The following ZNF71 variants were observed in gnomAD, a reference collection of about 807,000 sequenced individuals.
The protein encoded by ZNF71 is endothelial zinc finger protein induced by tumor necrosis factor alpha.
Under a neutral mutation model 6.7 loss-of-function variants are expected in ZNF71, and 3 were observed. The observed-to-expected ratio is 0.45, with a 90% CI of 0.20 to 1.16. The LOEUF (loss-of-function observed/expected upper bound fraction) is 1.16, where lower values mean the gene tolerates loss of function less well. ZNF71 is among the 50% of genes most tolerant of loss of function. The probability of loss-of-function intolerance (pLI) is 0.25; values close to 1 mark genes in which losing one functional copy is unlikely to be tolerated. For missense variants in ZNF71, 688 were observed against 728.6 expected (o/e 0.94, Z 0.64); for synonymous variants, 343 against 311.1 (o/e 1.10, Z -1.08).
intron 3 of ZNF71, among the ~76,000 whole-genome samples, chr19:56,619,357 C>CT (rs1331997564): frequency 1.3e-5 from 2 of 152,198 alleles, no homozygotes; most frequent in Non-Finnish European, 2.9e-5. Context: ...GTTCTACCGT[C>CT]TGTCTCTGGG....
chr19:56,601,762 G>A (rs1402023763), intron 2 of ZNF71, among the ~76,000 whole-genome samples, 171 bp downstream of exon 2: 10 of 152,130 alleles, frequency 6.6e-5, no homozygotes, highest in Non-Finnish European at 1.5e-5. Context: ...TGTGGGGTCA[G>A]TTGTAGGGGA....
chr19:56,596,326 G>A (rs2044623661), intron 1 of ZNF71, among the ~76,000 whole-genome samples: 1 of 152,120 alleles, frequency 6.6e-6, no homozygotes, highest in African/African-American at 2.4e-5. Flanking sequence ...CTCTGCAGGG[G>A]TGGGTGCGTC....
intron 3 of ZNF71, among the ~76,000 whole-genome samples, chr19:56,617,130 T>TTTTTTA (rs1172399730): frequency 1.3e-5 from 2 of 151,180 alleles, no homozygotes; most frequent in African/African-American, 4.9e-5. Flanking sequence ...TTGTTTTTTT[T>TTTTTTA]GAGACAGTCT....
In ZNF71 at chr19:56,603,910, A is replaced by G. The variant is rs1396853622; in HGVS notation, c.33+2319A>G. Among the ~76,000 whole-genome samples the G allele has an allele frequency of 1.3e-5, 2 of 151,974 alleles. No homozygotes were observed. The highest frequency in any genetic ancestry group is 3.9e-4 in the East Asian group (2 of 5,180). Reference sequence around the variant, plus strand: ...GTCATTAGACAGGAAACCGAAAAAGATGGAGTACTAGAAAAAGGGGCCTTG... The same window carrying G: ...GTCATTAGACAGGAAACCGAAAAAGGTGGAGTACTAGAAAAAGGGGCCTTG... On this transcript the variant is annotated intron_variant, in intron 2 of 3. Coordinates refer to ENST00000599599, the MANE Select transcript of ZNF71 (RefSeq NM_001370215.1). The surrounding 1 kb of genome is among the most constrained non-coding windows in gnomAD (Gnocchi z 4.6).
Position 56,618,544 on chromosome 19 carries a change from T to C in ZNF71, c.161-2724T>C, listed in dbSNP as rs527405353. On this transcript the variant is annotated intron_variant, in intron 3 of 3. Transcript: ENST00000599599. The surrounding 1 kb of genome is among the most constrained non-coding windows in gnomAD (Gnocchi z 4.6). ...GATCAAGGGACAGGCAGAGAAAAAT[T>C]GCCACAGGTCACTGAGTGTTCATAA... 8.5e-5 allele frequency among the ~76,000 whole-genome samples: 13 copies of C among 152,210 alleles called. No individual in the cohort carries two copies. The highest frequency in any genetic ancestry group is 2.9e-4 in the African/African-American group (12 of 41,522).
chr19:56,599,672 A>G (rs186226363), intron 1 of ZNF71, among the ~76,000 whole-genome samples: 52 of 151,246 alleles, frequency 3.4e-4, no homozygotes, highest in Non-Finnish European at 7.1e-4. Flanking sequence ...GTTACAAACA[A>G]TCTGATTACA....
chr19:56,622,878 C>T lies in ZNF71; in HGVS notation c.*121C>T. The T allele has an allele frequency of 2.2e-6, 3 of 1,342,820 alleles. No homozygotes were observed. Among genetic ancestry groups the T allele is most frequent in the Non-Finnish European group, 3.0e-6 (3 of 996,854 alleles). The allele number at this position is 1,342,820 out of a possible 1,614,324, so 83.2% of individuals were successfully genotyped here. On this transcript the variant is annotated 3_prime_UTR_variant, in exon 4 of 4. Coordinates refer to ENST00000599599, the MANE Select transcript of ZNF71 (RefSeq NM_001370215.1). ...GTGGGGACTCGGGGTCAGGGGAGCT[C>T]AGGAATGTGGGGTTGTGGAGGGGCT...
At chr19:56,607,294 A>G (rs2044717368) in intron 2 of ZNF71, among the ~76,000 whole-genome samples, 1 of 152,214 alleles carries the variant, frequency 6.6e-6, no homozygotes, top group South Asian at 2.1e-4. Context: ...TGAGAGTTGT[A>G]TGCTCATTTT....
intron 2 of ZNF71, among the ~76,000 whole-genome samples, chr19:56,608,659 A>G (rs776427561): frequency 6.6e-6 from 1 of 152,148 alleles, no homozygotes; most frequent in Non-Finnish European, 1.5e-5. Context: ...TGAAGGGGCT[A>G]CATAAGGCTG....
At chr19:56,609,454 C>G (rs2044733294) in intron 2 of ZNF71, among the ~76,000 whole-genome samples, 1 of 152,130 alleles carries the variant, frequency 6.6e-6, no homozygotes, top group African/African-American at 2.4e-5. Flanking sequence ...CATTTCTCTC[C>G]AACCCACCCT....
intron 3 of ZNF71, among the ~76,000 whole-genome samples, chr19:56,619,720 A>G (rs1169074941): frequency 6.6e-6 from 1 of 152,160 alleles, no homozygotes. Flanking sequence ...TGGCCTCAGG[A>G]ACTACCAGGT....
rs118064943 is a variant in ZNF71 at position 56,620,704 on chromosome 19, A to C, written c.161-564A>C. ...GTGCCACCATGCCTGGCTAATTTTT[A>C]AAAAAAAATTTAGTAGAGGCGGGGG... On this transcript the variant is annotated intron_variant, in intron 3 of 3. Transcript: ENST00000599599. Among the ~76,000 whole-genome samples the C allele has an allele frequency of 2.6e-5, 4 of 151,488 alleles. No homozygotes were observed. In the South Asian group the frequency reaches 8.4e-4, roughly 32 times the overall value.
rs2044819904 is a variant in ZNF71 at position 56,618,920 on chromosome 19, G to C, written c.161-2348G>C. On this transcript the variant is annotated intron_variant, in intron 3 of 3. Coordinates refer to ENST00000599599, the MANE Select transcript of ZNF71 (RefSeq NM_001370215.1). The surrounding 1 kb of genome is among the most constrained non-coding windows in gnomAD (Gnocchi z 4.6). The stretch of plus-strand genomic sequence containing the variant: ...CGGAGGAGTGGAGGACGCATTGCAG[G>C]GGTGAGAATGGGGTGGGGAGGACAG... 1.3e-5 allele frequency among the ~76,000 whole-genome samples: 2 copies of C among 152,146 alleles called. No homozygotes were observed. Among genetic ancestry groups the C allele is most frequent in the Non-Finnish European group, 2.9e-5 (2 of 68,022 alleles).
At chr19:56,616,054 C>A (rs1406745152) in intron 3 of ZNF71, among the ~76,000 whole-genome samples, 8 of 132,482 alleles carry the variant, frequency 6.0e-5, no homozygotes, top group Non-Finnish European at 9.6e-5. Flanking sequence ...GTTTTTAATT[C>A]AATGAAGTCC....
chr19:56,604,521 G>A (rs1415004358), intron 2 of ZNF71, among the ~76,000 whole-genome samples: 1 of 152,178 alleles, frequency 6.6e-6, no homozygotes, highest in Non-Finnish European at 1.5e-5. Context: ...GACCATATTT[G>A]TACACATTTA....
chr19:56,619,558 T>C (rs183301511), intron 3 of ZNF71, among the ~76,000 whole-genome samples: 6 of 152,292 alleles, frequency 3.9e-5, no homozygotes, highest in African/African-American at 9.6e-5. Flanking sequence ...TGCTGGGCTT[T>C]TTTGAACAGT....
chr19:56,604,130 A>C (rs1237447145), intron 2 of ZNF71, among the ~76,000 whole-genome samples: 2 of 152,156 alleles, frequency 1.3e-5, no homozygotes, highest in Non-Finnish European at 2.9e-5. Context: ...TCCAGAAGGA[A>C]TTGTTGTATT....
In ZNF71 at chr19:56,598,726, C is replaced by G. The variant is rs76719196; in HGVS notation, c.-52-2781C>G. On this transcript the variant is annotated intron_variant, in intron 1 of 3. Transcript: ENST00000599599. The surrounding 1 kb of genome is among the most constrained non-coding windows in gnomAD (Gnocchi z 4.2). ...AATTATGACAGTTTGGCAAATGTCT[C>G]TAGACGTTGACAAATGTCTCCGGGG... Among the ~76,000 whole-genome samples the G allele has an allele frequency of 7.2e-3, 1,089 of 152,300 alleles. 8 individuals are homozygous for G. Among genetic ancestry groups the G allele is most frequent in the African/African-American group, 0.025 (1,029 of 41,544 alleles).
In ZNF71 at chr19:56,603,139, G is replaced by A. The variant is rs140020407; in HGVS notation, c.33+1548G>A. Among the ~76,000 whole-genome samples, 8 of 152,218 alleles carry A rather than the reference G, an allele frequency of 5.3e-5. No individual in the cohort carries two copies. Among genetic ancestry groups the A allele is most frequent in the African/African-American group, 1.7e-4 (7 of 41,534 alleles). ...TGATTTTGGGTACATTCATAGAGTCGCGTTAACCATCACCACAGTCCATTT... is the reference window on the plus strand; with the variant it reads ...TGATTTTGGGTACATTCATAGAGTCACGTTAACCATCACCACAGTCCATTT... On this transcript the variant is annotated intron_variant, in intron 2 of 3. Coordinates refer to ENST00000599599, the MANE Select transcript of ZNF71 (RefSeq NM_001370215.1). This position sits in a 1 kb window ranked among gnomAD's most constrained non-coding sequence, Gnocchi z 4.6.
Sources: allele counts gnomAD v4.1 joint callset (sites outside exome capture counted in the v4.1 genomes callset), GRCh38; gene constraint gnomAD v4.1.1; non-coding constraint Gnocchi (gnomAD v3.1); transcripts MANE v1.5; gene names NCBI Gene and HGNC (gene_info 2026-07-23, HGNC 2026-07-21).